ZNF778: variants seen among roughly 807,000 people sequenced by gnomAD.
The protein encoded by ZNF778 is zinc finger protein 778.
A neutral mutation model predicts 23.9 loss-of-function variants in ZNF778; 37 were observed. That is an observed-to-expected ratio of 1.54 (90% confidence interval 1.19 to 2.03). ZNF778 has a LOEUF of 2.03. ZNF778 is among the 30% of genes most tolerant of loss of function. ZNF778 has a pLI of 0.00. For synonymous variants in ZNF778, 483 were observed against 343.9 expected (o/e 1.40, Z -4.48); for missense variants, 1,297 against 934.4 (o/e 1.39, Z -5.06).
Position 89,221,063 on chromosome 16 carries a change from A to G in ZNF778, c.-65A>G. On this transcript the variant is annotated 5_prime_UTR_variant, in exon 2 of 7. Coordinates refer to ENST00000433976, the MANE Select transcript of ZNF778 (RefSeq NM_001201407.2). Reference sequence around the variant, plus strand: ...ACTGTACCTTCCACATAGATTCACAAGCTGCCCTGCAGTGGCCTTGGCTTC... The same window carrying G: ...ACTGTACCTTCCACATAGATTCACAGGCTGCCCTGCAGTGGCCTTGGCTTC... 1 of 1,542,846 alleles carries G rather than the reference A, an allele frequency of 6.5e-7. No individual in the cohort carries two copies. The highest frequency in any genetic ancestry group is 8.8e-7 in the Non-Finnish European group (1 of 1,139,122).
chr16:89,236,471 G>C lies in ZNF778; in HGVS notation c.*7909G>C, dbSNP rs1302856207. ...ATACAAAGAATTGCCTGCAGACCTG[G>C]TTTAAATAAATGGTTACAGAAAACT... On this transcript the variant is annotated 3_prime_UTR_variant, in exon 7 of 7. Coordinates refer to ENST00000433976, the MANE Select transcript of ZNF778 (RefSeq NM_001201407.2). 6.6e-6 allele frequency: 1 copy of C among 152,174 alleles called. No homozygotes were observed. Among genetic ancestry groups the C allele is most frequent in the African/African-American group, 2.4e-5 (1 of 41,430 alleles). The allele number at this position is 152,174 out of a possible 1,614,324, so 9.4% of individuals were successfully genotyped here.
rs939265145 is a variant in ZNF778, at chr16:89,235,345, C to T, written c.*6783C>T. 1.3e-5 allele frequency: 2 copies of T among 152,120 alleles called. No individual in the cohort carries two copies. Among genetic ancestry groups the T allele is most frequent in the African/African-American group, 4.8e-5 (2 of 41,410 alleles). 9.4% of individuals were successfully genotyped at this position (152,120 alleles called of 1,614,324 possible). A position where few individuals can be genotyped will look rare whatever the true frequency, so the allele number is the denominator to read the frequency against. ...AAAAAATCCGAAAGTTTAGTTTTTC[C>T]CATTCGCTTGCCCTGGCCTCCAGGC... On this transcript the variant is annotated 3_prime_UTR_variant, in exon 7 of 7. Coordinates refer to ENST00000433976, the MANE Select transcript of ZNF778 (RefSeq NM_001201407.2).
In ZNF778 at chr16:89,226,847, C is replaced by G. The variant is rs780681960; in HGVS notation, c.559C>G (p.Gln187Glu). ...TGAAAGGGACTTTTTTATTCCATGCCAGAAAACCTTGTTCAAAATTGGAGA... is the reference window on the plus strand; with the variant it reads ...TGAAAGGGACTTTTTTATTCCATGCGAGAAAACCTTGTTCAAAATTGGAGA... Reference protein sequence around the residue: ...HYERDFFIPCQKTLFKIGEQF... With the variant: ...HYERDFFIPCEKTLFKIGEQF... Residue 187 changes from glutamine to glutamate, a missense_variant, in exon 7 of 7, where the codon CAG (glutamine) becomes GAG (glutamate). Coordinates refer to ENST00000433976, the MANE Select transcript of ZNF778 (RefSeq NM_001201407.2). 2 of 1,613,824 alleles carry G rather than the reference C, an allele frequency of 1.2e-6. No homozygotes were observed. Among genetic ancestry groups the G allele is most frequent in the Admixed American group, 3.3e-5 (2 of 59,968 alleles).
Position 89,227,257 on chromosome 16 carries a change from C to A in ZNF778, c.969C>A (p.Ser323Arg). ...GAAAAGCCTCCCCTGTTTCTTCCAGCCTAACTCAACATGTAAGAATTCATG... is the reference window on the plus strand; with the variant it reads ...GAAAAGCCTCCCCTGTTTCTTCCAGACTAACTCAACATGTAAGAATTCATG... The part of the protein sequence containing the change: ...ECGKASPVSS[S>R]LTQHVRIHAA... The change falls in exon 7 of 7, where the codon AGC (serine) becomes AGA (arginine). Residue 323 changes from serine to arginine, a missense_variant. Ser to Arg is a moderately radical substitution (Grantham distance 110). Transcript: ENST00000433976. 1.2e-6 allele frequency: 2 copies of A among 1,613,924 alleles called. No individual in the cohort carries two copies. The highest frequency in any genetic ancestry group is 1.7e-6 in the Non-Finnish European group (2 of 1,179,864).
rs1597370514 is a variant in ZNF778 at position 89,232,480 on chromosome 16, G to T, written c.*3918G>T. 20 of 455,324 alleles carry T rather than the reference G, an allele frequency of 4.4e-5. No individual in the cohort carries two copies. Among genetic ancestry groups the T allele is most frequent in the Middle Eastern group, 8.3e-4 (1 of 1,202 alleles). The allele number at this position is 455,324 out of a possible 1,614,324, so 28.2% of individuals were successfully genotyped here. ...AACTGGGTTATGGGCAGGACTGCAA[G>T]TACTGGTTAGGCAGATACCTGTATT... On this transcript the variant is annotated 3_prime_UTR_variant, in exon 7 of 7. Transcript: ENST00000433976.
intron 3 of ZNF778, 114 bp from the exon 4 acceptor site, chr16:89,223,043 G>A: frequency 7.7e-7 from 1 of 1,296,190 alleles, no homozygotes; most frequent in Non-Finnish European, 1.0e-6. Context: ...TGGGCCATGG[G>A]GTAGACAGTA....
Position 89,230,097 on chromosome 16 carries a change from C to T in ZNF778, c.*1535C>T, listed in dbSNP as rs1049839804. The T allele has an allele frequency of 3.5e-5, 32 of 906,028 alleles. No individual in the cohort carries two copies. The highest frequency in any genetic ancestry group is 3.7e-5 in the Non-Finnish European group (28 of 758,336). The allele number at this position is 906,028 out of a possible 1,614,324, so 56.1% of individuals were successfully genotyped here. A position where few individuals can be genotyped will look rare whatever the true frequency, so the allele number is the denominator to read the frequency against. On this transcript the variant is annotated 3_prime_UTR_variant, in exon 7 of 7. Transcript: ENST00000433976. ...GTTAGTCATGCTCTTAGGCATGACC[C>T]ACCTGTAGGGTCCCACACTGGCCAA...
rs1438070106 is a variant in ZNF778 at position 89,230,639 on chromosome 16, AAC to A, written c.*2085_*2086del. 4 of 152,236 alleles carry A rather than the reference AAC, an allele frequency of 2.6e-5. No individual in the cohort carries two copies. The highest frequency in any genetic ancestry group is 9.7e-5 in the African/African-American group (4 of 41,450). 9.4% of individuals were successfully genotyped at this position (152,236 alleles called of 1,614,324 possible). ...TGGCGCTTCTTGGATGAGGCCCTTA[AAC>A]ACACACAGTGGCAGAGCAAGACTTC... is the stretch of plus-strand genomic sequence containing the variant. On this transcript the variant is annotated 3_prime_UTR_variant, in exon 7 of 7. Coordinates refer to ENST00000433976, the MANE Select transcript of ZNF778 (RefSeq NM_001201407.2).
Position 89,224,435 on chromosome 16 carries a change from C to T in ZNF778, c.245-284C>T, listed in dbSNP as rs1368380165. On this transcript the variant is annotated intron_variant, in intron 4 of 6. Transcript: ENST00000433976. ...GAGATTGAGACCATTCTGACCAACA[C>T]GGTGAAACCCCATCTCTACTAAAAA... Among the ~76,000 whole-genome samples, 4 of 152,112 alleles carry T rather than the reference C, an allele frequency of 2.6e-5. No individual in the cohort carries two copies. In the East Asian group the frequency reaches 7.7e-4, roughly 29 times the overall value.
chr16:89,232,479 A>G lies in ZNF778; in HGVS notation c.*3917A>G. 2.2e-6 allele frequency: 1 copy of G among 449,142 alleles called. No homozygotes were observed. Among genetic ancestry groups the G allele is most frequent in the Non-Finnish European group, 3.7e-6 (1 of 273,004 alleles). The allele number at this position is 449,142 out of a possible 1,614,324, so 27.8% of individuals were successfully genotyped here. On this transcript the variant is annotated 3_prime_UTR_variant, in exon 7 of 7. Transcript: ENST00000433976. ...AAACTGGGTTATGGGCAGGACTGCA[A>G]GTACTGGTTAGGCAGATACCTGTAT... is the stretch of plus-strand genomic sequence containing the variant.
At position 89,233,703 on chromosome 16, in the gene ZNF778, C is replaced by G; in HGVS notation, c.*5141C>G. Reference sequence around the variant, plus strand: ...GCAAATCAACTTACTGCATATGCAACTCAACTCACTGCGTATGCAACTCAA... The same window carrying G: ...GCAAATCAACTTACTGCATATGCAAGTCAACTCACTGCGTATGCAACTCAA... On this transcript the variant is annotated 3_prime_UTR_variant, in exon 7 of 7. Coordinates refer to ENST00000433976, the MANE Select transcript of ZNF778 (RefSeq NM_001201407.2). The G allele has an allele frequency of 8.0e-7, 1 of 1,250,792 alleles. No homozygotes were observed. The highest frequency in any genetic ancestry group is 1.0e-6 in the Non-Finnish European group (1 of 961,918). 77.5% of individuals were successfully genotyped at this position (1,250,792 alleles called of 1,614,324 possible). A position where few individuals can be genotyped will look rare whatever the true frequency, so the allele number is the denominator to read the frequency against.
Position 89,232,286 on chromosome 16 carries a change from T to C in ZNF778, c.*3724T>C. 2 of 220,504 alleles carry C rather than the reference T, an allele frequency of 9.1e-6. No individual in the cohort carries two copies. The allele number at this position is 220,504 out of a possible 1,614,324, so 13.7% of individuals were successfully genotyped here. On this transcript the variant is annotated 3_prime_UTR_variant, in exon 7 of 7. Coordinates refer to ENST00000433976, the MANE Select transcript of ZNF778 (RefSeq NM_001201407.2). ...GGGTTTGGCTCACTGCCCTTGACCTTCTCTGCCCTGTTTGACACAGCAAAT... is the reference window on the plus strand; with the variant it reads ...GGGTTTGGCTCACTGCCCTTGACCTCCTCTGCCCTGTTTGACACAGCAAAT...
rs2031822439 is a variant in ZNF778 at position 89,229,924 on chromosome 16, G to T, written c.*1362G>T. On this transcript the variant is annotated 3_prime_UTR_variant, in exon 7 of 7. Transcript: ENST00000433976. ...TAGGCTCTGGTTGGTTAGTGTTGAGGATCCAGATGTGATTCTGTGAGCAGT... is the reference window on the plus strand; with the variant it reads ...TAGGCTCTGGTTGGTTAGTGTTGAGTATCCAGATGTGATTCTGTGAGCAGT... 2 of 978,102 alleles carry T rather than the reference G, an allele frequency of 2.0e-6. No homozygotes were observed. Among genetic ancestry groups the T allele is most frequent in the Non-Finnish European group, 2.4e-6 (2 of 826,974 alleles). 60.6% of individuals were successfully genotyped at this position (978,102 alleles called of 1,614,324 possible).
intron 4 of ZNF778, among the ~76,000 whole-genome samples, chr16:89,223,683 G>C (rs1180683064): frequency 1.3e-5 from 2 of 152,184 alleles, no homozygotes; most frequent in Non-Finnish European, 2.9e-5. Flanking sequence ...GAGTCTTTGT[G>C]GTTTTTACGT....
At position 89,227,164 on chromosome 16, in the gene ZNF778, C is replaced by T; in HGVS notation, c.876C>T (p.Tyr292=). The change falls in exon 7 of 7, where the codon TAC becomes TAT. Residue 292 remains tyrosine, a synonymous_variant. Coordinates refer to ENST00000433976, the MANE Select transcript of ZNF778 (RefSeq NM_001201407.2). ...VCRECGKAFR[Y]TAYLTGRVQV... ...GGGAATGTGGGAAGGCCTTTAGGTA[C>T]ACTGCCTACCTTACTGGTCGCGTGC... 2 of 1,613,960 alleles carry T rather than the reference C, an allele frequency of 1.2e-6. No individual in the cohort carries two copies. The highest frequency in any genetic ancestry group is 1.7e-6 in the Non-Finnish European group (2 of 1,179,878).
At chr16:89,219,236 TTA>T (rs796630206) in intron 1 of ZNF778, among the ~76,000 whole-genome samples, 61 of 152,376 alleles carry the variant, frequency 4.0e-4, no homozygotes, top group African/African-American at 1.4e-3. Flanking sequence ...CCTTCAAGGT[TTA>T]TCTGTTCCCA....
chr16:89,224,333 G>A (rs2031266013), intron 4 of ZNF778, among the ~76,000 whole-genome samples: 1 of 152,168 alleles, frequency 6.6e-6, no homozygotes, highest in East Asian at 1.9e-4. Flanking sequence ...CGAGCACTCT[G>A]GGACGCCAGA....
In ZNF778 at chr16:89,226,780, G is replaced by C; in HGVS notation, c.492G>C (p.Val164=). Reference sequence around the variant, plus strand: ...AACACTCAGGCCTCAGCACACACGTGAGAACTCAAAATACAGGAGACAGTT... The same window carrying C: ...AACACTCAGGCCTCAGCACACACGTCAGAACTCAAAATACAGGAGACAGTT... The part of the protein sequence containing the change: ...FSEHSGLSTH[V]RTQNTGDSCV... The change falls in exon 7 of 7, where the codon GTG becomes GTC. Residue 164 remains valine, a synonymous_variant. Transcript: ENST00000433976. 1.2e-6 allele frequency: 2 copies of C among 1,614,002 alleles called. No individual in the cohort carries two copies. Among genetic ancestry groups the C allele is most frequent in the Admixed American group, 1.7e-5 (1 of 60,020 alleles).
rs548321221 is a variant in ZNF778, at chr16:89,232,361, G to A, written c.*3799G>A. ...TGCCAGTGCTATGCTTGCACAGCCT[G>A]CTGAACCATGAGCCAAATAAGCCTC... On this transcript the variant is annotated 3_prime_UTR_variant, in exon 7 of 7. Transcript: ENST00000433976. 2.7e-4 allele frequency: 79 copies of A among 289,848 alleles called. No homozygotes were observed. Among genetic ancestry groups the A allele is most frequent in the African/African-American group, 1.7e-3 (76 of 45,702 alleles). The allele number at this position is 289,848 out of a possible 1,614,324, so 18.0% of individuals were successfully genotyped here.
Sources: allele counts gnomAD v4.1 joint callset (sites outside exome capture counted in the v4.1 genomes callset), GRCh38; gene constraint gnomAD v4.1.1; transcripts MANE v1.5; gene names NCBI Gene and HGNC (gene_info 2026-07-23, HGNC 2026-07-21).